The following TLN2 variants were observed in gnomAD, a reference collection of about 807,000 sequenced individuals.
TLN2 encodes the protein talin-2.
In TLN2, 118 loss-of-function variants were observed where a neutral mutation model predicts 294.7. That is an observed-to-expected ratio of 0.40 (90% CI 0.34 to 0.47). The LOEUF (loss-of-function observed/expected upper bound fraction) is 0.47, where lower values mean the gene tolerates loss of function less well. TLN2 is among the 20% of genes least tolerant of loss of function. The pLI is 0.84. For synonymous variants in TLN2, 1,431 were observed against 1,304.5 expected (o/e 1.10, Z -2.09); for missense variants, 3,083 against 3,282.2 (o/e 0.94, Z 1.48).
chr15:62,697,757 C>A lies in TLN2; in HGVS notation c.1362C>A (p.Ala454=), dbSNP rs61730198. ...AGCACGGCTCAGTGGCGCTGCCGGC[C>A]GTGATGCGCTCGGGCTCCAGCGGGC... ...KAEHGSVALP[A]VMRSGSSGPE... Residue 454 remains alanine (A), a synonymous_variant, in exon 15 of 59, where the codon GCC becomes GCA. Transcript: ENST00000636159. The A allele has an allele frequency of 3.7e-6, 6 of 1,612,196 alleles. No homozygotes were observed. The Admixed American group carries it at 8.3e-5, about 22-fold the overall frequency.
At chr15:62,613,695 C>T (rs1051365548) in intron 2 of TLN2, among the ~76,000 whole-genome samples, 1 of 152,136 alleles carries the variant, frequency 6.6e-6, no homozygotes, top group East Asian at 1.9e-4. Flanking sequence ...CCTCAAACTA[C>T]ACAAATGTCC....
chr15:62,415,211 C>T lies in TLN2; in HGVS notation c.-238+24526C>T, dbSNP rs1435717678. On this transcript the variant is annotated intron_variant, in intron 1 of 58. Coordinates refer to ENST00000636159, the MANE Select transcript of TLN2 (RefSeq NM_015059.3). ...GCGTGAGCCACTGTGTCAAGGATGC[C>T]TTTGATAGTCATGTTCCTATTAGGG... is the stretch of plus-strand genomic sequence containing the variant. Among the ~76,000 whole-genome samples, 2 of 141,496 alleles carry T rather than the reference C, an allele frequency of 1.4e-5. 1 individual carries two copies. Among genetic ancestry groups the T allele is most frequent in the South Asian group, 5.4e-4 (2 of 3,718 alleles). 92.8% of individuals were successfully genotyped at this position (141,496 alleles called of 152,430 possible).
chr15:62,603,010 A>T lies in TLN2; in HGVS notation c.-162+13248A>T, dbSNP rs549685028. ...CAGGTTCATGCCATTCTCCTGCCTCAGCCTCCCAAGTAGCTGGGACTACAA... is the reference window on the plus strand; with the variant it reads ...CAGGTTCATGCCATTCTCCTGCCTCTGCCTCCCAAGTAGCTGGGACTACAA... On this transcript the variant is annotated intron_variant, in intron 2 of 58. Transcript: ENST00000636159. Among the ~76,000 whole-genome samples, 16 of 152,034 alleles carry T rather than the reference A, an allele frequency of 1.1e-4. 1 individual carries two copies. The South Asian group carries it at 3.1e-3, about 30-fold the overall frequency.
intron 2 of TLN2, among the ~76,000 whole-genome samples, chr15:62,617,860 G>C (rs79529081): frequency 0.02 from 3,031 of 152,236 alleles, 56 homozygotes; most frequent in South Asian, 0.073. Context: ...TTATGAAACC[G>C]GAAGCAGAAC....
rs1555465074 is a variant in TLN2, at chr15:62,673,322, T to TTTTTTC, written c.789-500_789-499insCTTTTT. Among the ~76,000 whole-genome samples, 669 of 140,178 alleles carry TTTTTTC rather than the reference T, an allele frequency of 4.8e-3. 30 individuals are homozygous for TTTTTTC. The highest frequency in any genetic ancestry group is 0.017 in the African/African-American group (644 of 37,376). The allele number at this position is 140,178 out of a possible 152,430, so 92.0% of individuals were successfully genotyped here. The stretch of plus-strand genomic sequence containing the variant: ...TTTTTAGATGTTGCTTTTTTTTTTT[T>TTTTTTC]TTTTTTGCAATTTCATGTGGTTCTA... On this transcript the variant is annotated intron_variant, in intron 9 of 58. Coordinates refer to ENST00000636159, the MANE Select transcript of TLN2 (RefSeq NM_015059.3).
intron 43 of TLN2, among the ~76,000 whole-genome samples, chr15:62,778,013 G>C (rs1482032781): frequency 1.3e-5 from 2 of 152,232 alleles, no homozygotes; most frequent in Non-Finnish European, 2.9e-5. Context: ...TCCATTGTCA[G>C]ATTGTGAATA....
rs2060985861 is a variant in TLN2 at position 62,735,950 on chromosome 15, AT to A, written c.3359-926del. Among the ~76,000 whole-genome samples, 4 of 152,362 alleles carry A rather than the reference AT, an allele frequency of 2.6e-5. No homozygotes were observed. The South Asian group carries it at 8.3e-4, about 32-fold the overall frequency. ...TCACAACTTAGCTGAATCTCACAGC[AT>A]TATGGTCAGAGAAAGAAAGCAGACA... On this transcript the variant is annotated intron_variant, in intron 28 of 58. Coordinates refer to ENST00000636159, the MANE Select transcript of TLN2 (RefSeq NM_015059.3).
chr15:62,469,245 A>G (rs760199164), intron 1 of TLN2, among the ~76,000 whole-genome samples: 1 of 152,232 alleles, frequency 6.6e-6, no homozygotes, highest in Non-Finnish European at 1.5e-5. Flanking sequence ...TGTTAAGAAC[A>G]TTGCCATTTC....
At chr15:62,390,884 A>G (rs1235027263) in intron 1 of TLN2, among the ~76,000 whole-genome samples, 199 bp downstream of exon 1, 1 of 152,162 alleles carries the variant, frequency 6.6e-6, no homozygotes, top group African/African-American at 2.4e-5. Context: ...GGCTTCTTGC[A>G]GGAAAATAAA....
At chr15:62,429,781 A>G (rs1036558948) in intron 1 of TLN2, among the ~76,000 whole-genome samples, 1 of 152,242 alleles carries the variant, frequency 6.6e-6, no homozygotes, top group Non-Finnish European at 1.5e-5. Flanking sequence ...AGAAGCAAAC[A>G]TAACTTAATG....
At chr15:62,592,445 G>A (rs2046155349) in intron 2 of TLN2, among the ~76,000 whole-genome samples, 1 of 152,164 alleles carries the variant, frequency 6.6e-6, no homozygotes, top group South Asian at 2.1e-4. Flanking sequence ...CTCTACCCAG[G>A]AATGTTTATT....
rs147559478 is a variant in TLN2 at position 62,685,535 on chromosome 15, G to A, written c.958-1106G>A. On this transcript the variant is annotated intron_variant, in intron 11 of 58. Transcript: ENST00000636159. Reference sequence around the variant, plus strand: ...TGTCAAAAGTAAGGACTTTTTAAGGGTTTGGATAGATAGTGACACATTTTC... The same window carrying A: ...TGTCAAAAGTAAGGACTTTTTAAGGATTTGGATAGATAGTGACACATTTTC... Among the ~76,000 whole-genome samples the A allele has an allele frequency of 4.9e-4, 75 of 152,188 alleles. 1 individual carries two copies. The East Asian group carries it at 6.9e-3, about 14-fold the overall frequency.
chr15:62,841,769 A>C lies in TLN2; in HGVS notation c.*1159A>C, dbSNP rs559334209. ...TCTTTCCCCTTTTCAGAGCCCTCCC[A>C]TAGGAAGGGAAGGGCTTGAATTTAC... On this transcript the variant is annotated 3_prime_UTR_variant, in exon 59 of 59. Coordinates refer to ENST00000636159, the MANE Select transcript of TLN2 (RefSeq NM_015059.3). 2 of 152,142 alleles carry C rather than the reference A, an allele frequency of 1.3e-5. No individual in the cohort carries two copies. Among genetic ancestry groups the C allele is most frequent in the Admixed American group, 6.5e-5 (1 of 15,292 alleles). The allele number at this position is 152,142 out of a possible 1,614,324, so 9.4% of individuals were successfully genotyped here.
At chr15:62,606,739 G>A (rs2047481775) in intron 2 of TLN2, among the ~76,000 whole-genome samples, 1 of 152,136 alleles carries the variant, frequency 6.6e-6, no homozygotes. Flanking sequence ...TTTTGAAATT[G>A]GGCAGACTTG....
At chr15:62,555,351 C>G (rs183457006) in intron 1 of TLN2, among the ~76,000 whole-genome samples, 74 of 151,808 alleles carry the variant, frequency 4.9e-4, no homozygotes, top group African/African-American at 1.6e-3. Flanking sequence ...CTTTTTTTGT[C>G]TGAAGATTTT....
At chr15:62,537,393 C>T (rs1200665368) in intron 1 of TLN2, among the ~76,000 whole-genome samples, 2 of 152,080 alleles carry the variant, frequency 1.3e-5, no homozygotes, top group Admixed American at 6.6e-5. Context: ...CTGACAAGCT[C>T]CTTGATATTT....
chr15:62,738,385 G>T, intron 30 of TLN2, 52 bp downstream of exon 30: 2 of 1,588,114 alleles, frequency 1.3e-6, no homozygotes, highest in Middle Eastern at 1.7e-4. Flanking sequence ...GCTCGCGTTA[G>T]GTGTGAGTGA....
chr15:62,576,685 G>T (rs1393263902), intron 1 of TLN2, among the ~76,000 whole-genome samples: 1 of 86,082 alleles, frequency 1.2e-5, no homozygotes, highest in Non-Finnish European at 2.1e-5. Flanking sequence ...CCACATAAAA[G>T]AGTAATATGG....
At chr15:62,439,324 T>C (rs2140302106) in intron 1 of TLN2, among the ~76,000 whole-genome samples, 1 of 152,314 alleles carries the variant, frequency 6.6e-6, no homozygotes, top group Non-Finnish European at 1.5e-5. Context: ...GCCAGTTGTT[T>C]TTTTTTGAGA....
Sources: allele counts gnomAD v4.1 joint callset (sites outside exome capture counted in the v4.1 genomes callset), GRCh38; gene constraint gnomAD v4.1.1; transcripts MANE v1.5; gene names NCBI Gene and HGNC (gene_info 2026-07-23, HGNC 2026-07-21).